Variants in ZNF488 observed in about 807,000 individuals in gnomAD.
The protein encoded by ZNF488 is zinc finger protein 488.
Under a neutral mutation model 1.2 loss-of-function variants are expected in ZNF488, and 1 was observed. The observed-to-expected ratio is 0.86, with a 90% CI of 0.30 to 4.07. The LOEUF is 4.07. Ranked by LOEUF, ZNF488 falls within the 30% of genes most tolerant of loss-of-function variation. The pLI, the probability that ZNF488 is intolerant of heterozygous loss-of-function variation, is 0.18. For synonymous variants in ZNF488, 185 were observed against 190.1 expected (o/e 0.97, Z 0.22); for missense variants, 450 against 437.9 (o/e 1.03, Z -0.25).
chr10:47,365,738 CCT>C lies in ZNF488; in HGVS notation c.*2067_*2068del, dbSNP rs1203934143. ...GCTGCTTTACGGGGAATCTGGGAGA[CCT>C]CTCTAAGGAGCTGACCTGCGAGAAG... On this transcript the variant is annotated 3_prime_UTR_variant, in exon 2 of 2. Coordinates refer to ENST00000585316, the MANE Select transcript of ZNF488 (RefSeq NM_153034.4). 2 of 167,234 alleles carry C rather than the reference CCT, an allele frequency of 1.2e-5. No individual in the cohort carries two copies. The highest frequency in any genetic ancestry group is 4.1e-4 in the South Asian group (2 of 4,836). 10.4% of individuals were successfully genotyped at this position (167,234 alleles called of 1,614,324 possible). A position where few individuals can be genotyped will look rare whatever the true frequency, so the allele number is the denominator to read the frequency against.
rs1837256467 is a variant in ZNF488, at chr10:47,367,410, TATC to T, written c.*394_*396del. ...TGAATGCCAACCTAAGACACAGTGT[TATC>T]ATCTCCATTTCACAGATGAGAAAAT... On this transcript the variant is annotated 3_prime_UTR_variant, in exon 2 of 2. Transcript: ENST00000585316. 8.7e-6 allele frequency: 2 copies of T among 229,438 alleles called. No homozygotes were observed. The highest frequency in any genetic ancestry group is 1.8e-5 in the Non-Finnish European group (2 of 108,364). 14.2% of individuals were successfully genotyped at this position (229,438 alleles called of 1,614,324 possible). A position where few individuals can be genotyped will look rare whatever the true frequency, so the allele number is the denominator to read the frequency against.
Position 47,368,743 on chromosome 10 carries a change from C to T in ZNF488, c.87G>A (p.Ser29=), listed in dbSNP as rs369845907. The T allele has an allele frequency of 1.2e-5, 19 of 1,613,290 alleles. No individual in the cohort carries two copies. The highest frequency in any genetic ancestry group is 1.7e-4 in the Middle Eastern group (1 of 6,058). Residue 29 remains serine (S), a synonymous_variant, in exon 2 of 2, where the codon TCG becomes TCA. Coordinates refer to ENST00000585316, the MANE Select transcript of ZNF488 (RefSeq NM_153034.4). The stretch of plus-strand genomic sequence containing the variant: ...CGCTAAGTCGCCATCTGTTTTCAGC[C>T]GATGGGCTCAACGGGGCTCCCTTCC... ...AAGKGAPLSP[S]AENRWRLSEP...
Position 47,368,844 on chromosome 10 carries a change from G to T in ZNF488, c.-15C>A. 1.3e-6 allele frequency: 2 copies of T among 1,563,130 alleles called. No homozygotes were observed. Among genetic ancestry groups the T allele is most frequent in the South Asian group, 1.2e-5 (1 of 80,906 alleles). On this transcript the variant is annotated 5_prime_UTR_variant, in exon 2 of 2. Transcript: ENST00000585316. ...CACTCTGGCATTCATCAGTCTTTGGGGGTTTGGGGTTCTGGAGGGCTTGGC... is the reference window on the plus strand; with the variant it reads ...CACTCTGGCATTCATCAGTCTTTGGTGGTTTGGGGTTCTGGAGGGCTTGGC...
intron 1 of ZNF488, among the ~76,000 whole-genome samples, chr10:47,375,372 C>A (rs1488163486): frequency 6.6e-6 from 1 of 152,260 alleles, no homozygotes; most frequent in East Asian, 1.9e-4. Context: ...CGGTCCACTC[C>A]TCCTCATGCC....
intron 1 of ZNF488, among the ~76,000 whole-genome samples, chr10:47,382,620 C>T (rs1555215661): frequency 1.3e-5 from 2 of 152,126 alleles, no homozygotes; most frequent in Non-Finnish European, 2.9e-5. Context: ...GGCAATTTAA[C>T]TTTTTAAACC....
chr10:47,375,345 G>A lies in ZNF488; in HGVS notation c.-108-6408C>T, dbSNP rs79171866. 7.0e-3 allele frequency among the ~76,000 whole-genome samples: 1,070 copies of A among 152,280 alleles called. 17 individuals carry two copies. The highest frequency in any genetic ancestry group is 0.023 in the African/African-American group (951 of 41,544). ...CGCTGTGGACGCTGCTCCACCTGCC[G>A]GTGCGGGGGCTTGCCACGGTCCACT... On this transcript the variant is annotated intron_variant, in intron 1 of 1. Coordinates refer to ENST00000585316, the MANE Select transcript of ZNF488 (RefSeq NM_153034.4).
Position 47,368,916 on chromosome 10 carries a change from G to C in ZNF488, c.-87C>G. On this transcript the variant is annotated 5_prime_UTR_variant, in exon 2 of 2. Transcript: ENST00000585316. ...TGGAAGCTCCCCATGACACTGGGCT[G>C]GACACACTCGGCCACAGGGCCCTGC... 1 of 1,468,848 alleles carries C rather than the reference G, an allele frequency of 6.8e-7. No homozygotes were observed. Among genetic ancestry groups the C allele is most frequent in the Non-Finnish European group, 9.1e-7 (1 of 1,095,770 alleles). 91.0% of individuals were successfully genotyped at this position (1,468,848 alleles called of 1,614,324 possible).
Position 47,368,794 on chromosome 10 carries a change from CG to C in ZNF488, c.35del (p.Pro12ArgfsTer4). The C allele has an allele frequency of 6.2e-7, 1 of 1,604,310 alleles. No homozygotes were observed. On this transcript the variant is annotated frameshift_variant, in exon 2 of 2. Coordinates refer to ENST00000585316, the MANE Select transcript of ZNF488 (RefSeq NM_153034.4). LOFTEE classifies it low-confidence loss of function (END_TRUNC). ...CAGCTGCCATGGTGATCACCAGGGC[CG>C]GGGCCACAGATAAGCAAGGTGGCCA... The part of the protein sequence containing the change: ...PEWPPCLSVA[P>X]ALVITMAAGK...
rs1465117206 is a variant in ZNF488, at chr10:47,368,892, G to A, written c.-63C>T. ...GGCCCAGCAAGGAGCCATGAGATATGGAAGCTCCCCATGACACTGGGCTGG... is the reference window on the plus strand; with the variant it reads ...GGCCCAGCAAGGAGCCATGAGATATAGAAGCTCCCCATGACACTGGGCTGG... On this transcript the variant is annotated 5_prime_UTR_variant, in exon 2 of 2. Coordinates refer to ENST00000585316, the MANE Select transcript of ZNF488 (RefSeq NM_153034.4). The A allele has an allele frequency of 1.3e-6, 2 of 1,521,980 alleles. No individual in the cohort carries two copies. The highest frequency in any genetic ancestry group is 2.8e-5 in the African/African-American group (2 of 71,886). 94.3% of individuals were successfully genotyped at this position (1,521,980 alleles called of 1,614,324 possible).
intron 1 of ZNF488, among the ~76,000 whole-genome samples, chr10:47,382,749 T>C (rs2376634): frequency 0.046 from 6,968 of 152,312 alleles, 553 homozygotes; most frequent in African/African-American, 0.16. Flanking sequence ...ATACTTAATT[T>C]CTGTTTAATT....
At position 47,366,932 on chromosome 10, in the gene ZNF488, G is replaced by T. The variant is rs2132269063; in HGVS notation, c.*875C>A. On this transcript the variant is annotated 3_prime_UTR_variant, in exon 2 of 2. Coordinates refer to ENST00000585316, the MANE Select transcript of ZNF488 (RefSeq NM_153034.4). The stretch of plus-strand genomic sequence containing the variant: ...TCCTCACCCTCCTGTGGAGGGGATG[G>T]ATGGTCACTCCCTTGTCACAGCTTC... 6.0e-6 allele frequency: 1 copy of T among 167,072 alleles called. No homozygotes were observed. The highest frequency in any genetic ancestry group is 2.1e-4 in the South Asian group (1 of 4,822). 10.3% of individuals were successfully genotyped at this position (167,072 alleles called of 1,614,324 possible). A position where few individuals can be genotyped will look rare whatever the true frequency, so the allele number is the denominator to read the frequency against.
At chr10:47,378,004 T>C (rs1837756249) in intron 1 of ZNF488, among the ~76,000 whole-genome samples, 1 of 152,090 alleles carries the variant, frequency 6.6e-6, no homozygotes, top group Non-Finnish European at 1.5e-5. Context: ...CATGCAGGCT[T>C]GGCAGGATGG....
chr10:47,378,299 G>T (rs1462261518), intron 1 of ZNF488, among the ~76,000 whole-genome samples: 8 of 152,170 alleles, frequency 5.3e-5, no homozygotes, highest in Admixed American at 1.3e-4. Context: ...ATGTAAAGGT[G>T]GCACCCATGG....
Position 47,367,910 on chromosome 10 carries a change from G to A in ZNF488, c.920C>T (p.Pro307Leu). ...CTCTTCTCTCCGCTTCTGAGAATGT[G>A]GGTCAGGCCCCGCATGCTCCTTTTT... ...HHKKEHAGPD[P>L]HSQKRREEAL... Residue 307 changes from proline to leucine, a missense_variant, in exon 2 of 2, where the codon CCA (proline) becomes CTA (leucine). By Grantham distance (98) the Pro-to-Leu change is moderately conservative. Coordinates refer to ENST00000585316, the MANE Select transcript of ZNF488 (RefSeq NM_153034.4). The A allele has an allele frequency of 6.2e-7, 1 of 1,614,070 alleles. No homozygotes were observed. The highest frequency in any genetic ancestry group is 2.2e-5 in the East Asian group (1 of 44,868).
rs993628586 is a variant in ZNF488, at chr10:47,368,099, G to C, written c.731C>G (p.Thr244Ser). Residue 244 changes from threonine (T) to serine (S), a missense_variant, in exon 2 of 2, where the codon ACC becomes AGC. Physicochemically the swap from Thr to Ser is moderately conservative, Grantham distance 58 (BLOSUM62 1). Coordinates refer to ENST00000585316, the MANE Select transcript of ZNF488 (RefSeq NM_153034.4). ...LGAPTLWLEH[T>S]QAQVPPPSSS... ...TGAGGGTGGGGGCACCTGGGCCTGGGTATGCTCCAGCCACAGTGTAGGGGC... is the reference window on the plus strand; with the variant it reads ...TGAGGGTGGGGGCACCTGGGCCTGGCTATGCTCCAGCCACAGTGTAGGGGC... 1.9e-6 allele frequency: 3 copies of C among 1,614,212 alleles called. No individual in the cohort carries two copies. In the African/African-American group the frequency reaches 4.0e-5, roughly 22 times the overall value.
chr10:47,374,544 GTAGTT>G (rs1555214198), intron 1 of ZNF488, among the ~76,000 whole-genome samples: 1 of 152,134 alleles, frequency 6.6e-6, no homozygotes, highest in South Asian at 2.1e-4. Context: ...CTCTACCTGG[GTAGTT>G]TAAACAGAAA....
At chr10:47,380,739 T>C (rs1173016091) in intron 1 of ZNF488, among the ~76,000 whole-genome samples, 5 of 17,100 alleles carry the variant, frequency 2.9e-4, no homozygotes, top group African/African-American at 8.3e-4. Flanking sequence ...AGATGTTAAG[T>C]GCACGGGCTC....
intron 1 of ZNF488, among the ~76,000 whole-genome samples, chr10:47,380,981 A>G (rs1837925048): frequency 6.6e-6 from 1 of 152,292 alleles, no homozygotes; most frequent in Non-Finnish European, 1.5e-5. Flanking sequence ...AGTCCACTCC[A>G]TGGCAGCCTT....
Position 47,367,890 on chromosome 10 carries a change from C to T in ZNF488, c.940G>A (p.Glu314Lys), listed in dbSNP as rs782055982. Residue 314 changes from glutamate to lysine, a missense_variant, in exon 2 of 2, where the codon GAA (glutamate) becomes AAA (lysine). Glu to Lys is a moderately conservative substitution (Grantham distance 56, BLOSUM62 1). Transcript: ENST00000585316. ...GPDPHSQKRR[E>K]EALACPVCQE... ...CACACAGGGCAGGCAAGGGCCTCTT[C>T]TCTCCGCTTCTGAGAATGTGGGTCA... is the stretch of plus-strand genomic sequence containing the variant. 2 of 1,614,062 alleles carry T rather than the reference C, an allele frequency of 1.2e-6. No individual in the cohort carries two copies. The highest frequency in any genetic ancestry group is 1.1e-5 in the South Asian group (1 of 91,076).
Sources: gnomAD v4.1 joint callset for allele counts (sites outside exome capture counted in the v4.1 genomes callset) on GRCh38, gnomAD v4.1.1 for gene constraint, MANE v1.5 for transcripts, NCBI Gene and HGNC (gene_info 2026-07-23, HGNC 2026-07-21) for gene names.